NSMCE4A: variants seen among roughly 807,000 people sequenced by gnomAD.
NSMCE4A encodes NSE4A component of SMC5/6 complex.
NSMCE4A carries 40 observed loss-of-function variants against 47.9 expected under a neutral mutation model. The ratio of observed to expected loss-of-function variants is 0.83; its 90% CI spans 0.65 to 1.09. The LOEUF is 1.09. NSMCE4A is among the 50% of genes least tolerant of loss of function. The probability of loss-of-function intolerance (pLI) is 0.00; values close to 1 mark genes in which losing one functional copy is unlikely to be tolerated. For missense variants in NSMCE4A, 500 were observed against 507.0 expected (o/e 0.99, Z 0.13); for synonymous variants, 166 against 178.5 (o/e 0.93, Z 0.56).
In NSMCE4A at chr10:121,971,028, C is replaced by T. The variant is rs1300177822; in HGVS notation, c.412G>A (p.Val138Ile). ...REAVLDAHFLVLASDLGKEKA... is the reference protein window; with the variant it reads ...REAVLDAHFLILASDLGKEKA... ...TCTTTGCCCAAATCTGAAGCCAAAA[C>T]AAGAAAGTGGGCATCCAGGACTGCT... Residue 138 changes from valine to isoleucine, a missense_variant, in exon 3 of 11, where the codon GTT becomes ATT. Coordinates refer to ENST00000369023, the MANE Select transcript of NSMCE4A (RefSeq NM_017615.3). 9 of 1,613,882 alleles carry T rather than the reference C, an allele frequency of 5.6e-6. No individual in the cohort carries two copies. Among genetic ancestry groups the T allele is most frequent in the Non-Finnish European group, 6.8e-6 (8 of 1,179,930 alleles).
chr10:121,957,938 AT>A (rs1348477188), intron 10 of NSMCE4A, among the ~76,000 whole-genome samples: 3 of 152,038 alleles, frequency 2.0e-5, no homozygotes, highest in African/African-American at 7.2e-5. Flanking sequence ...TTAAAAAAAA[AT>A]AAAGTTGAAG....
Position 121,973,987 on chromosome 10 carries a change from A to G in NSMCE4A, c.370+17T>C, listed in dbSNP as rs1369529053. 1 of 1,531,582 alleles carries G rather than the reference A, an allele frequency of 6.5e-7. No individual in the cohort carries two copies. Among genetic ancestry groups the G allele is most frequent in the South Asian group, 1.2e-5 (1 of 84,996 alleles). The allele number at this position is 1,531,582 out of a possible 1,614,324, so 94.9% of individuals were successfully genotyped here. ...AGTATCATAAAACACGAAATAACAT[A>G]TAAAATAACAAATTACCTTCATTAA... On this transcript the variant is annotated intron_variant, in intron 2 of 10. Transcript: ENST00000369023.
At chr10:121,967,042 A>C (rs1216107458) in intron 4 of NSMCE4A, 1 of 152,254 alleles carries the variant, frequency 6.6e-6, no homozygotes, top group East Asian at 1.9e-4. Flanking sequence ...AGGAGGTATC[A>C]TCCTCCTATA....
intron 1 of NSMCE4A, 111 bp from the exon 2 acceptor site, chr10:121,974,192 G>GTAAT (rs1043388971): frequency 1.5e-6 from 2 of 1,353,878 alleles, no homozygotes; most frequent in African/African-American, 1.5e-5. Context: ...TGCGCTCTGA[G>GTAAT]TAATTACTTC....
At chr10:121,957,804 G>C (rs1319768726) in intron 10 of NSMCE4A, among the ~76,000 whole-genome samples, 1 of 151,772 alleles carries the variant, frequency 6.6e-6, no homozygotes, top group Non-Finnish European at 1.5e-5. Context: ...CACATATTAA[G>C]TGCTTACATT....
At chr10:121,959,050 T>A (rs945889492) in intron 10 of NSMCE4A, among the ~76,000 whole-genome samples, 2 of 152,126 alleles carry the variant, frequency 1.3e-5, no homozygotes, top group Non-Finnish European at 2.9e-5. Context: ...CCTGACCTCA[T>A]GATCCGCTTG....
intron 3 of NSMCE4A, among the ~76,000 whole-genome samples, chr10:121,970,069 G>A (rs952393772): frequency 1.3e-5 from 2 of 152,198 alleles, no homozygotes; most frequent in Non-Finnish European, 2.9e-5. Flanking sequence ...CAGTCTCTGT[G>A]TGCTTTTTCT....
chr10:121,973,058 G>A (rs1244328100), intron 2 of NSMCE4A, among the ~76,000 whole-genome samples: 4 of 152,004 alleles, frequency 2.6e-5, no homozygotes, highest in Admixed American at 1.3e-4. Context: ...CCAACATGGC[G>A]AAACCCGTCT....
At chr10:121,961,963 C>T in intron 6 of NSMCE4A, 1 of 249,956 alleles carries the variant, frequency 4.0e-6, no homozygotes, top group Non-Finnish European at 8.0e-6. Context: ...AAAAAATTAG[C>T]CAGATGTGGT....
intron 9 of NSMCE4A, 38 bp from the exon 10 acceptor site, chr10:121,959,448 C>G (rs1384361077): frequency 4.3e-6 from 7 of 1,612,624 alleles, no homozygotes; most frequent in Non-Finnish European, 5.1e-6. Context: ...ACTGGGCTTA[C>G]TGCAAGTGAA....
At chr10:121,964,460 T>C (rs1240365034) in intron 5 of NSMCE4A, among the ~76,000 whole-genome samples, 1 of 147,326 alleles carries the variant, frequency 6.8e-6, no homozygotes, top group Non-Finnish European at 1.5e-5. Context: ...TTTGTTTTTT[T>C]TGAGACGGAC....
At chr10:121,966,720 AC>A (rs35276497) in intron 4 of NSMCE4A, 36,549 of 152,086 alleles carry the variant, frequency 0.24, 5,594 homozygotes, top group Non-Finnish European at 0.34. Flanking sequence ...GAAGGACTGA[AC>A]AACTCAGATG....
In NSMCE4A at chr10:121,960,500, C is replaced by T. The variant is rs1952478913; in HGVS notation, c.940-94G>A. The T allele has an allele frequency of 1.2e-6, 1 of 821,580 alleles. No individual in the cohort carries two copies. The allele number at this position is 821,580 out of a possible 1,614,324, so 50.9% of individuals were successfully genotyped here. ...AAAAATTACTCAGAAAATTCAGTAT[C>T]TCAGAAAATCAAATTACACCATAGC... is the stretch of plus-strand genomic sequence containing the variant. On this transcript the variant is annotated intron_variant, in intron 7 of 10. Coordinates refer to ENST00000369023, the MANE Select transcript of NSMCE4A (RefSeq NM_017615.3). This position sits in a 1 kb window ranked among gnomAD's most constrained non-coding sequence, Gnocchi z 4.2.
At chr10:121,971,646 A>G (rs1952715003) in intron 2 of NSMCE4A, among the ~76,000 whole-genome samples, 1 of 151,976 alleles carries the variant, frequency 6.6e-6, no homozygotes, top group Non-Finnish European at 1.5e-5. Flanking sequence ...CTCTTAAATA[A>G]CTCCAGTTGA....
At chr10:121,971,415 C>T (rs1952708891) in intron 2 of NSMCE4A, among the ~76,000 whole-genome samples, 1 of 152,036 alleles carries the variant, frequency 6.6e-6, no homozygotes, top group South Asian at 2.1e-4. Context: ...GAGGCTGAGG[C>T]AGAATGGCGT....
Position 121,961,463 on chromosome 10 carries a change from CG to C in NSMCE4A, c.898del (p.Arg300ValfsTer20). 1 of 1,577,250 alleles carries C rather than the reference CG, an allele frequency of 6.3e-7. No individual in the cohort carries two copies. The highest frequency in any genetic ancestry group is 1.2e-5 in the South Asian group (1 of 84,312). ...DFVVDPHSFP[R>X]TVENIFHVSF... ...AACATGAAAGATGTTTTCCACTGTACGGGGGAAAGAATGAGGATCAACCACA... is the reference window on the plus strand; with the variant it reads ...AACATGAAAGATGTTTTCCACTGTACGGGGAAAGAATGAGGATCAACCACA... On this transcript the variant is annotated frameshift_variant, in exon 7 of 11. Transcript: ENST00000369023. LOFTEE classifies it high-confidence loss of function.
At chr10:121,970,722 G>A (rs1181858593) in intron 3 of NSMCE4A, among the ~76,000 whole-genome samples, 1 of 152,014 alleles carries the variant, frequency 6.6e-6, no homozygotes, top group Non-Finnish European at 1.5e-5. Context: ...AGCATCTTAA[G>A]ACAGAATGCT....
chr10:121,964,032 G>T (rs1952554938), intron 5 of NSMCE4A, among the ~76,000 whole-genome samples: 1 of 148,326 alleles, frequency 6.7e-6, no homozygotes, highest in Non-Finnish European at 1.5e-5. Context: ...GCAGGCGGAG[G>T]TTGCAGTGAG....
At chr10:121,971,221 G>A (rs1462344755) in intron 2 of NSMCE4A, 152 bp from the exon 3 acceptor site, 5 of 744,274 alleles carry the variant, frequency 6.7e-6, no homozygotes, top group South Asian at 6.2e-5. Flanking sequence ...CTTCTAAAAC[G>A]TGCTCCTGGC....
Sources: gnomAD v4.1 joint callset for allele counts (sites outside exome capture counted in the v4.1 genomes callset) on GRCh38, gnomAD v4.1.1 for gene constraint, Gnocchi (gnomAD v3.1) non-coding constraint, MANE v1.5 for transcripts, NCBI Gene and HGNC (gene_info 2026-07-23, HGNC 2026-07-21) for gene names.